The following MYH6 variants were observed in gnomAD, a reference collection of about 807,000 sequenced individuals.
MYH6 encodes myosin-6.
In MYH6, 126 loss-of-function variants were observed where a neutral mutation model predicts 223.2. That is an observed-to-expected ratio of 0.56 (90% CI 0.49 to 0.65). MYH6 has a LOEUF of 0.65. Ranked by LOEUF, MYH6 falls within the 30% of genes least tolerant of loss-of-function variation. MYH6 has a pLI of 0.00. For missense variants in MYH6, 2,040 were observed against 2,536.4 expected (o/e 0.80, Z 4.20); for synonymous variants, 978 against 1,010.2 (o/e 0.97, Z 0.61).
Position 23,383,292 on chromosome 14 carries a change from C to T in MYH6, c.5594G>A (p.Arg1865Gln), listed in dbSNP as rs138720701. The change falls in exon 37 of 39, where the codon CGG becomes CAG. Residue 1865 changes from arginine to glutamine, a missense_variant. Arg to Gln is a conservative substitution (Grantham distance 43). Around this residue, in one of 4 missense-constraint regions of MYH6, gnomAD observed 1,203 missense variants for 1,400.2 expected, o/e 0.86. Transcript: ENST00000405093. ...QTEEDKKNLL[R>Q]LQDLVDKLQL... is the part of the protein sequence containing the mutation. ...CAGCTTGTCCACCAGGTCCTGTAGC[C>T]GCAGCAGGTTCTTTTTGTCTTCCTC... 122 of 1,324,786 alleles carry T rather than the reference C, an allele frequency of 9.2e-5. No homozygotes were observed. The highest frequency in any genetic ancestry group is 1.4e-4 in the East Asian group (3 of 21,016). The allele number at this position is 1,324,786 out of a possible 1,614,324, so 82.1% of individuals were successfully genotyped here. A position where few individuals can be genotyped will look rare whatever the true frequency, so the allele number is the denominator to read the frequency against.
intron 25 of MYH6, 31 bp from the exon 26 acceptor site, chr14:23,390,477 C>A: frequency 6.2e-7 from 1 of 1,607,530 alleles, no homozygotes; most frequent in Non-Finnish European, 8.5e-7. Flanking sequence ...TCAGACCCAC[C>A]GCCTGGACCC....
chr14:23,403,853 G>A (rs746328862), intron 8 of MYH6, 75 bp from the exon 9 acceptor site: 20 of 1,318,074 alleles, frequency 1.5e-5, no homozygotes, highest in East Asian at 2.5e-5. Flanking sequence ...GTTCAGCCCA[G>A]AAGCCCTGGA....
chr14:23,382,588 GA>G, intron 37 of MYH6, 26 bp from the exon 38 acceptor site: 1 of 1,614,162 alleles, frequency 6.2e-7, no homozygotes, highest in South Asian at 1.1e-5. Flanking sequence ...GGGGATGGGT[GA>G]ATGAGCTGGA....
At chr14:23,402,872 GAAAGGGAGGGA>G in intron 10 of MYH6, 72 bp from the exon 11 acceptor site, 1 of 510,982 alleles carries the variant, frequency 2.0e-6, no homozygotes, top group Admixed American at 2.6e-5. Context: ...GTAGAGTTGG[GAAAGGGAGGGA>G]GGGGCAGGGA....
Position 23,402,813 on chromosome 14 carries a change from AG to A in MYH6, c.899-14del, listed in dbSNP as rs1490526284. Reference sequence around the variant, plus strand: ...ACCAGCAGCATGTCTGCACCAGGCAAGGGGTGAGGCAGGGGCAAGGGGGCAG... The same window carrying A: ...ACCAGCAGCATGTCTGCACCAGGCAAGGGTGAGGCAGGGGCAAGGGGGCAG... On this transcript the variant is annotated splice_polypyrimidine_tract_variant and intron_variant, in intron 10 of 38. Transcript: ENST00000405093. The A allele has an allele frequency of 7.4e-7, 1 of 1,352,332 alleles. No homozygotes were observed. Among genetic ancestry groups the A allele is most frequent in the African/African-American group, 1.6e-5 (1 of 60,746 alleles). 83.8% of individuals were successfully genotyped at this position (1,352,332 alleles called of 1,614,324 possible).
Position 23,394,584 on chromosome 14 carries a change from T to C in MYH6, c.2430-261A>G, listed in dbSNP as rs141053906. On this transcript the variant is annotated intron_variant, in intron 20 of 38. Transcript: ENST00000405093. ...ATGTCTACTCTGTTTGGTTTTTCTA[T>C]TCTCATAAGAACTTCAAATATGTTA... Among the ~76,000 whole-genome samples the C allele has an allele frequency of 1.5e-4, 23 of 152,360 alleles. No individual in the cohort carries two copies. In the East Asian group the frequency reaches 4.0e-3, roughly 27 times the overall value.
At chr14:23,404,242 C>A (rs1891703451) in intron 8 of MYH6, 54 bp downstream of exon 8, 2 of 1,593,512 alleles carry the variant, frequency 1.3e-6, no homozygotes, top group Non-Finnish European at 8.6e-7. Flanking sequence ...AACAGCACCC[C>A]CTTTTTCTTG....
At chr14:23,386,192 C>G (rs947626421) in intron 33 of MYH6, 61 bp from the exon 34 acceptor site, 2 of 1,612,982 alleles carry the variant, frequency 1.2e-6, no homozygotes, top group Non-Finnish European at 1.7e-6. Flanking sequence ...ACTGAGGGCA[C>G]CTGTCAGAGG....
In MYH6 at chr14:23,403,787, G is replaced by A. The variant is rs748594445; in HGVS notation, c.736-9C>T. ...ATCCTAATGAATTTCCCCTGGGGAC[G>A]AATGGGACAGAGTGAGGGAACTGGC... On this transcript the variant is annotated splice_polypyrimidine_tract_variant and intron_variant, in intron 8 of 38. Transcript: ENST00000405093. The A allele has an allele frequency of 1.7e-5, 27 of 1,606,914 alleles. 1 individual carries two copies. The African/African-American group carries it at 1.9e-4, about 11-fold the overall frequency.
In MYH6 at chr14:23,398,770, G is replaced by A. The variant is rs1167547697; in HGVS notation, c.1849C>T (p.Leu617Phe). 6.2e-7 allele frequency: 1 copy of A among 1,614,234 alleles called. No homozygotes were observed. Among genetic ancestry groups the A allele is most frequent in the Non-Finnish European group, 8.5e-7 (1 of 1,180,042 alleles). ...TAGGAGGAGAAGAGAGTGGCCATGA[G>A]CTTGAGGGAGGACTTCTGGTACAGG... ...VALYQKSSLK[L>F]MATLFSSYAT... The change falls in exon 15 of 39, where the codon CTC becomes TTC. Residue 617 changes from leucine (L) to phenylalanine (F), a missense_variant. By Grantham distance (22) the Leu-to-Phe change is conservative (BLOSUM62 0). Coordinates refer to ENST00000405093, the MANE Select transcript of MYH6 (RefSeq NM_002471.4).
rs528032150 is a variant in MYH6 at position 23,390,466 on chromosome 14, C to T, written c.3343-20G>A. The T allele has an allele frequency of 3.8e-5, 61 of 1,611,042 alleles. No individual in the cohort carries two copies. The East Asian group carries it at 1.3e-3, about 35-fold the overall frequency. On this transcript the variant is annotated intron_variant, in intron 25 of 38. Transcript: ENST00000405093. The stretch of plus-strand genomic sequence containing the variant: ...GCGTGCCTGGGTCAGACACAAAGGG[C>T]TCAGACCCACCGCCTGGACCCCTCC...
intron 6 of MYH6, 129 bp downstream of exon 6, chr14:23,404,971 C>G: frequency 6.6e-7 from 1 of 1,522,378 alleles, no homozygotes; most frequent in Non-Finnish European, 9.1e-7. Context: ...TGGCACCCCT[C>G]TAATGAGAGC....
Position 23,386,369 on chromosome 14 carries a change from G to C in MYH6, c.4905C>G (p.Asn1635Lys). The part of the protein sequence containing the change: ...NEMEIQLSHA[N>K]RMAAEAQKQV... ...GCTTCTGGGCCTCGGCAGCCATGCG[G>C]TTGGCGTGGCTGAGCTGGATCTCCA... The change falls in exon 33 of 39, where the codon AAC becomes AAG. Residue 1635 changes from asparagine to lysine, a missense_variant. This residue lies in a region of MYH6 where 1,203 missense variants were observed against 1,400.2 expected (regional missense o/e 0.86). Transcript: ENST00000405093. 1.1e-5 allele frequency: 17 copies of C among 1,614,162 alleles called. No individual in the cohort carries two copies. Among genetic ancestry groups the C allele is most frequent in the Non-Finnish European group, 1.4e-5 (17 of 1,180,004 alleles).
intron 25 of MYH6, 34 bp downstream of exon 25, chr14:23,392,528 G>T: frequency 6.8e-7 from 1 of 1,467,064 alleles, no homozygotes; most frequent in Non-Finnish European, 9.6e-7. Flanking sequence ...GGGCTATTGA[G>T]CTCCCACTTT....
chr14:23,383,468 T>C (rs1424839110), intron 36 of MYH6, 148 bp from the exon 37 acceptor site: 1 of 691,300 alleles, frequency 1.4e-6, no homozygotes, highest in African/African-American at 1.8e-5. Flanking sequence ...GAAGATTCTC[T>C]GACTCTATCG....
At chr14:23,406,526 G>A (rs1891793952) in intron 3 of MYH6, among the ~76,000 whole-genome samples, 3 of 152,142 alleles carry the variant, frequency 2.0e-5, no homozygotes, top group Non-Finnish European at 4.4e-5. Flanking sequence ...TGATTCTCTT[G>A]GCTGGTGTGA....
intron 15 of MYH6, among the ~76,000 whole-genome samples, chr14:23,397,941 T>TTCTTCTTCC (rs1891459304): frequency 4.8e-4 from 29 of 60,428 alleles, no homozygotes; most frequent in African/African-American, 2.1e-3. Context: ...CCTCTTCTTC[T>TTCTTCTTCC]TCTTCTTCTT....
intron 20 of MYH6, among the ~76,000 whole-genome samples, chr14:23,395,776 C>G (rs561974130): frequency 6.6e-6 from 1 of 152,138 alleles, no homozygotes; most frequent in African/African-American, 2.4e-5. Flanking sequence ...GATCCACCCG[C>G]CTCGGCCTCC....
intron 15 of MYH6, among the ~76,000 whole-genome samples, chr14:23,397,956 T>G (rs912144699): frequency 9.3e-6 from 1 of 106,956 alleles, no homozygotes; most frequent in Admixed American, 9.9e-5. Flanking sequence ...CTTCTTCTTC[T>G]TCTTCTTCTT....
Sources: gnomAD v4.1 joint callset for allele counts (sites outside exome capture counted in the v4.1 genomes callset) on GRCh38, gnomAD v4.1.1 for gene constraint, gnomAD v4.1.1 regional missense constraint, MANE v1.5 for transcripts, NCBI Gene and HGNC (gene_info 2026-07-23, HGNC 2026-07-21) for gene names.